Variants in SATB2 observed in about 807,000 individuals in gnomAD.
The protein encoded by SATB2 is DNA-binding protein SATB2.
Under a neutral mutation model 73.4 loss-of-function variants are expected in SATB2, and 1 was observed. The observed-to-expected ratio is 0.01, with a 90% CI of 0.00 to 0.06. The LOEUF (loss-of-function observed/expected upper bound fraction) is 0.06. Among genes scored for constraint, SATB2 ranks in the 10% least tolerant of loss-of-function variants. SATB2 has a pLI of 1.00. For missense variants in SATB2, 459 were observed against 945.8 expected (o/e 0.49, Z 6.75); for synonymous variants, 397 against 367.0 (o/e 1.08, Z -0.93).
intron 2 of SATB2, among the ~76,000 whole-genome samples, chr2:199,449,825 T>C (rs1692072060): frequency 6.6e-6 from 1 of 152,132 alleles, no homozygotes; most frequent in Non-Finnish European, 1.5e-5. Context: ...CCTAAATTAA[T>C]GCTGGAGAGC....
intron 3 of SATB2, among the ~76,000 whole-genome samples, chr2:199,408,401 G>A (rs1690701156): frequency 6.6e-6 from 1 of 151,952 alleles, no homozygotes; most frequent in Admixed American, 6.6e-5. Flanking sequence ...ATTACATTGA[G>A]GTGACTTAAT....
chr2:199,407,158 C>A (rs1690654881), intron 3 of SATB2, among the ~76,000 whole-genome samples: 1 of 151,150 alleles, frequency 6.6e-6, no homozygotes, highest in South Asian at 2.1e-4. Flanking sequence ...TCATCTCTAC[C>A]AAAAATACAA....
intron 6 of SATB2, among the ~76,000 whole-genome samples, chr2:199,350,699 C>T (rs568376468): frequency 1.4e-3 from 215 of 152,222 alleles, no homozygotes; most frequent in African/African-American, 5.0e-3. Context: ...TATATTTAGA[C>T]ATGTACAGTG....
Position 199,272,759 on chromosome 2 carries a change from A to G in SATB2, c.1741-87T>C, listed in dbSNP as rs570589507. The G allele has an allele frequency of 2.2e-5, 27 of 1,203,816 alleles. No individual in the cohort carries two copies. The highest frequency in any genetic ancestry group is 3.1e-5 in the Non-Finnish European group (25 of 809,138). 74.6% of individuals were successfully genotyped at this position (1,203,816 alleles called of 1,614,324 possible). A position where few individuals can be genotyped will look rare whatever the true frequency, so the allele number is the denominator to read the frequency against. The stretch of plus-strand genomic sequence containing the variant: ...CAGCCCTCTGAAATATGTGTTATCT[A>G]TCTAGCACTGGAGGTAAGCTATAGT... On this transcript the variant is annotated intron_variant, in intron 10 of 10. Coordinates refer to ENST00000417098, the MANE Select transcript of SATB2 (RefSeq NM_001172509.2). This position sits in a 1 kb window ranked among gnomAD's most constrained non-coding sequence, Gnocchi z 6.7.
intron 5 of SATB2, chr2:199,368,982 C>T (rs1302475659): frequency 9.7e-6 from 3 of 309,186 alleles, no homozygotes; most frequent in African/African-American, 2.2e-5. Flanking sequence ...AGAGGAAGAA[C>T]AGTTGTGATT....
intron 3 of SATB2, among the ~76,000 whole-genome samples, chr2:199,412,280 C>T (rs1278345032): frequency 6.6e-6 from 1 of 152,110 alleles, no homozygotes; most frequent in East Asian, 1.9e-4. Flanking sequence ...ACTAAGAATT[C>T]CTGGTTTTGT....
chr2:199,369,287 GA>G (rs1689374997), intron 5 of SATB2, among the ~76,000 whole-genome samples: 1 of 152,110 alleles, frequency 6.6e-6, no homozygotes, highest in South Asian at 2.1e-4. Context: ...AATAAAAAAT[GA>G]ACCAAAGCTC....
chr2:199,349,116 A>G lies in SATB2; in HGVS notation c.758T>C (p.Met253Thr). The G allele has an allele frequency of 6.2e-7, 1 of 1,614,072 alleles. No homozygotes were observed. The highest frequency in any genetic ancestry group is 8.5e-7 in the Non-Finnish European group (1 of 1,179,982). Residue 253 changes from methionine (M) to threonine (T), a missense_variant, in exon 7 of 11, where the codon ATG becomes ACG. Transcript: ENST00000417098. ...SDYCVLGQRP[M>T]HLPNMNQLAS... ...CAGCTGGTTCATATTTGGTAAATGC[A>G]TTGGACGCTGGCCCAGAACACAATA...
At position 199,314,371 on chromosome 2, in the gene SATB2, T is replaced by C. The variant is rs139734217; in HGVS notation, c.1543-5414A>G. Among the ~76,000 whole-genome samples, 23 of 152,294 alleles carry C rather than the reference T, an allele frequency of 1.5e-4. 1 individual carries two copies. The highest frequency in any genetic ancestry group is 4.6e-4 in the Admixed American group (7 of 15,294). On this transcript the variant is annotated intron_variant, in intron 9 of 10. Transcript: ENST00000417098. ...GTTATTGTTTGAGAGAAGCACCAATTCTCAGAAGCAACTTTGTCACTGTTC... is the reference window on the plus strand; with the variant it reads ...GTTATTGTTTGAGAGAAGCACCAATCCTCAGAAGCAACTTTGTCACTGTTC...
chr2:199,283,907 T>C (rs1692608313), intron 10 of SATB2, among the ~76,000 whole-genome samples: 1 of 152,200 alleles, frequency 6.6e-6, no homozygotes, highest in Non-Finnish European at 1.5e-5. Context: ...GAAACAGCAC[T>C]TGTGTCATTG....
intron 3 of SATB2, among the ~76,000 whole-genome samples, chr2:199,411,542 G>T (rs1208672180): frequency 2.0e-5 from 3 of 152,172 alleles, no homozygotes; most frequent in Non-Finnish European, 4.4e-5. Context: ...GAGGGTAGAT[G>T]TTATTTTTAT....
chr2:199,279,898 T>TGGGAGGCCA (rs1429391666), intron 10 of SATB2, among the ~76,000 whole-genome samples: 1 of 152,196 alleles, frequency 6.6e-6, no homozygotes, highest in African/African-American at 2.4e-5. Context: ...CCCAACACTT[T>TGGGAGGCCA]GGGAGGCCAA....
chr2:199,310,836 T>C lies in SATB2; in HGVS notation c.1543-1879A>G, dbSNP rs1687575181. On this transcript the variant is annotated intron_variant, in intron 9 of 10. Coordinates refer to ENST00000417098, the MANE Select transcript of SATB2 (RefSeq NM_001172509.2). The stretch of plus-strand genomic sequence containing the variant: ...CTGCTGTTCTGCTTGAGGACTGAAC[T>C]GCATTGTGGGAAGCCGCAGCTTGAA... Among the ~76,000 whole-genome samples the C allele has an allele frequency of 2.0e-5, 3 of 152,224 alleles. No individual in the cohort carries two copies. In the South Asian group the frequency reaches 6.2e-4, roughly 31 times the overall value.
chr2:199,368,399 T>C (rs1689349839), intron 6 of SATB2, among the ~76,000 whole-genome samples: 3 of 152,154 alleles, frequency 2.0e-5, no homozygotes, highest in Admixed American at 2.0e-4. Flanking sequence ...ACTTAACATA[T>C]GGTGCTACTA....
chr2:199,406,220 CTAT>C (rs1290999768), intron 3 of SATB2, among the ~76,000 whole-genome samples: 1 of 152,042 alleles, frequency 6.6e-6, no homozygotes, highest in East Asian at 1.9e-4. Flanking sequence ...AAGGATGATT[CTAT>C]TATTATTATT....
At chr2:199,342,044 T>C (rs1688521260) in intron 7 of SATB2, among the ~76,000 whole-genome samples, 1 of 152,174 alleles carries the variant, frequency 6.6e-6, no homozygotes, top group African/African-American at 2.4e-5. Context: ...ACCCATCAGA[T>C]GGTGGTAAGC....
At chr2:199,282,845 T>C (rs144916660) in intron 10 of SATB2, among the ~76,000 whole-genome samples, 102 of 152,322 alleles carry the variant, frequency 6.7e-4, no homozygotes, top group Non-Finnish European at 1.3e-3. Context: ...ACTACATACA[T>C]CTTTGTACTT....
chr2:199,454,024 G>A (rs963794001), intron 2 of SATB2, among the ~76,000 whole-genome samples: 51 of 151,998 alleles, frequency 3.4e-4, no homozygotes, highest in African/African-American at 9.2e-4. Flanking sequence ...TCTTCACCAA[G>A]ATAATAATTT....
intron 6 of SATB2, among the ~76,000 whole-genome samples, chr2:199,366,902 G>GCGCA (rs1553493270): frequency 7.3e-5 from 11 of 149,720 alleles, no homozygotes; most frequent in Non-Finnish European, 1.2e-4. Context: ...ATGTGCGAAT[G>GCGCA]CACACACACA....
Sources: allele counts gnomAD v4.1 joint callset (sites outside exome capture counted in the v4.1 genomes callset), GRCh38; gene constraint gnomAD v4.1.1; non-coding constraint Gnocchi (gnomAD v3.1); transcripts MANE v1.5; gene names NCBI Gene and HGNC (gene_info 2026-07-23, HGNC 2026-07-21).